The following ANKFN1 variants were observed in gnomAD, a reference collection of about 807,000 sequenced individuals.
ANKFN1 encodes the protein ankyrin repeat and fibronectin type-III domain-containing protein 1.
Under a neutral mutation model 108.7 loss-of-function variants are expected in ANKFN1, and 74 were observed. That is an observed-to-expected ratio of 0.68 (90% CI 0.56 to 0.83). The LOEUF (loss-of-function observed/expected upper bound fraction) is 0.83. ANKFN1 is among the 40% of genes least tolerant of loss of function. The pLI is 0.00. For missense variants in ANKFN1, 1,505 were observed against 1,382.3 expected, an observed-to-expected ratio of 1.09 and a Z score of -1.41; for synonymous variants, 547 against 516.2, an observed-to-expected ratio of 1.06 and a Z score of -0.81.
chr17:56,051,151 T>G (rs1316527877), intron 4 of ANKFN1, among the ~76,000 whole-genome samples: 1 of 64,840 alleles, frequency 1.5e-5, no homozygotes, highest in South Asian at 6.1e-4. Context: ...TTGATGAACA[T>G]TGATGCAAAA....
chr17:56,309,237 A>G (rs2044936729), intron 3 of ANKFN1, among the ~76,000 whole-genome samples: 1 of 152,200 alleles, frequency 6.6e-6, no homozygotes, highest in Non-Finnish European at 1.5e-5. Flanking sequence ...TTAATGGTTA[A>G]AAGACAGTTA....
chr17:56,489,450 TAAAAA>T (rs79704215), intron 18 of ANKFN1, among the ~76,000 whole-genome samples: 1 of 140,180 alleles, frequency 7.1e-6, no homozygotes, highest in African/African-American at 2.6e-5. Context: ...GGTCTGGATT[TAAAAA>T]AAAAAAAAAA....
At chr17:56,500,615 A>G (rs1171160957) in intron 20 of ANKFN1, among the ~76,000 whole-genome samples, 1 of 152,204 alleles carries the variant, frequency 6.6e-6, no homozygotes, top group African/African-American at 2.4e-5. Context: ...AGAATCTGGT[A>G]TGAAGGATAA....
At chr17:56,434,613 A>C (rs941572347) in intron 8 of ANKFN1, among the ~76,000 whole-genome samples, 3 of 152,164 alleles carry the variant, frequency 2.0e-5, no homozygotes, top group Non-Finnish European at 4.4e-5. Flanking sequence ...AGCAGCTCCG[A>C]CCTCATATTT....
chr17:56,350,823 A>G lies in ANKFN1; in HGVS notation c.246A>G (p.Lys82=). 4 of 1,613,852 alleles carry G rather than the reference A, an allele frequency of 2.5e-6. No homozygotes were observed. Among genetic ancestry groups the G allele is most frequent in the Non-Finnish European group, 3.4e-6 (4 of 1,179,852 alleles). ...AAAATTTACATCTCTGTCAGTCAAAAAAACATAGTGCTCCCTCATCTCCCA... is the reference window on the plus strand; with the variant it reads ...AAAATTTACATCTCTGTCAGTCAAAGAAACATAGTGCTCCCTCATCTCCCA... The part of the protein sequence containing the change: ...QMQNLHLCQS[K]KHSAPSSPNA... Residue 82 remains lysine (K), a synonymous_variant, in exon 5 of 21, where the codon AAA becomes AAG. Transcript: ENST00000682825.
Position 56,304,257 on chromosome 17 carries a change from T to C in ANKFN1, c.54-21964T>C, listed in dbSNP as rs564042828. Reference sequence around the variant, plus strand: ...GTTATATAGATGGAATAATATAGTATGTAACGTTTTAATGTTGGCTTTTTT... The same window carrying C: ...GTTATATAGATGGAATAATATAGTACGTAACGTTTTAATGTTGGCTTTTTT... On this transcript the variant is annotated intron_variant, in intron 3 of 20. Transcript: ENST00000682825. Among the ~76,000 whole-genome samples the C allele has an allele frequency of 6.6e-5, 10 of 152,324 alleles. No individual in the cohort carries two copies. In the South Asian group the frequency reaches 1.9e-3, roughly 28 times the overall value.
At chr17:56,247,301 A>C (rs1286421748) in intron 3 of ANKFN1, among the ~76,000 whole-genome samples, 1 of 152,218 alleles carries the variant, frequency 6.6e-6, no homozygotes, top group Admixed American at 6.5e-5. Flanking sequence ...TAGGGATTTA[A>C]ATGTATAGTA....
chr17:56,349,492 G>A (rs1015100545), intron 4 of ANKFN1, among the ~76,000 whole-genome samples: 1 of 151,948 alleles, frequency 6.6e-6, no homozygotes, highest in Non-Finnish European at 1.5e-5. Flanking sequence ...TAGCAGACAT[G>A]GAACCCAGTT....
intron 18 of ANKFN1, 47 bp downstream of exon 18, chr17:56,482,571 A>G: frequency 1.3e-6 from 2 of 1,587,750 alleles, no homozygotes; most frequent in Non-Finnish European, 1.7e-6. Context: ...GCCTCCTTAT[A>G]ATAAAATCAC....
At chr17:56,484,593 T>TC (rs1478947517) in intron 18 of ANKFN1, among the ~76,000 whole-genome samples, 4 of 152,298 alleles carry the variant, frequency 2.6e-5, no homozygotes, top group African/African-American at 9.6e-5. Flanking sequence ...CTGAAGGTGC[T>TC]AAGTCAACAT....
In ANKFN1 at chr17:56,244,892, T is replaced by C. The variant is rs1207235787; in HGVS notation, c.53+16935T>C. On this transcript the variant is annotated intron_variant, in intron 3 of 20. Coordinates refer to ENST00000682825, the MANE Select transcript of ANKFN1 (RefSeq NM_001370326.1). ...ATCACTCAGATGGCCATTTTTTTTG[T>C]TCCATTCAAATTTCAACACATTTCC... is the stretch of plus-strand genomic sequence containing the variant. 1.3e-5 allele frequency among the ~76,000 whole-genome samples: 2 copies of C among 152,258 alleles called. 1 individual carries two copies. The highest frequency in any genetic ancestry group is 4.8e-5 in the African/African-American group (2 of 41,568).
rs182524562 is a variant in ANKFN1, at chr17:56,511,902, C to T, written c.*633C>T. ...AGGCCTTGACAGGCCTTTTTTTCTT[C>T]GTATAGTGCTGTGTGGAGACCACCA... On this transcript the variant is annotated 3_prime_UTR_variant, in exon 21 of 21. Transcript: ENST00000682825. 6.6e-6 allele frequency among the ~76,000 whole-genome samples: 1 copy of T among 152,056 alleles called. No individual in the cohort carries two copies. The highest frequency in any genetic ancestry group is 1.9e-4 in the East Asian group (1 of 5,158).
At chr17:56,269,904 T>G (rs1485827696) in intron 3 of ANKFN1, among the ~76,000 whole-genome samples, 1 of 152,130 alleles carries the variant, frequency 6.6e-6, no homozygotes, top group Admixed American at 6.5e-5. Flanking sequence ...ACCCTTGTGT[T>G]TCATTTTTAA....
Position 56,326,359 on chromosome 17 carries a change from A to G in ANKFN1, c.188+4A>G. 1 of 1,604,240 alleles carries G rather than the reference A, an allele frequency of 6.2e-7. No homozygotes were observed. The highest frequency in any genetic ancestry group is 8.5e-7 in the Non-Finnish European group (1 of 1,177,076). ...CTGCCTCGAACAGCATAAACTGGTAAGTCAAATTTACTGTTGTCTTTCTTC... is the reference window on the plus strand; with the variant it reads ...CTGCCTCGAACAGCATAAACTGGTAGGTCAAATTTACTGTTGTCTTTCTTC... On this transcript the variant is annotated splice_donor_region_variant and intron_variant, in intron 4 of 20. Transcript: ENST00000682825.
At chr17:56,218,019 G>A (rs944298705) in intron 2 of ANKFN1, among the ~76,000 whole-genome samples, 12 of 152,098 alleles carry the variant, frequency 7.9e-5, no homozygotes, top group African/African-American at 2.9e-4. Context: ...TTTCTCACCT[G>A]CATTCTACCT....
intron 1 of ANKFN1, among the ~76,000 whole-genome samples, chr17:56,155,345 A>G (rs535436078): frequency 2.6e-5 from 4 of 152,302 alleles, no homozygotes; most frequent in South Asian, 4.1e-4. Flanking sequence ...CCTTTCTTCC[A>G]TGAGACAAGG....
chr17:56,301,485 T>G (rs2044668919), intron 3 of ANKFN1, among the ~76,000 whole-genome samples: 1 of 152,188 alleles, frequency 6.6e-6, no homozygotes, highest in Non-Finnish European at 1.5e-5. Flanking sequence ...GCATCAGAAC[T>G]CTGTAGTGCA....
At chr17:56,167,261 G>GTATA (rs1431986196) in intron 1 of ANKFN1, among the ~76,000 whole-genome samples, 873 of 74,694 alleles carry the variant, frequency 0.012, 10 homozygotes, top group African/African-American at 0.036. Context: ...GTATGTGTGT[G>GTATA]TATATATATA....
At chr17:56,114,102 C>G (rs1384422075) in intron 4 of ANKFN1, among the ~76,000 whole-genome samples, 3 of 152,198 alleles carry the variant, frequency 2.0e-5, no homozygotes, top group Non-Finnish European at 2.9e-5. Context: ...GTGCCTCCAA[C>G]TGCAAGTCCA....
Sources: gnomAD v4.1 joint callset for allele counts (sites outside exome capture counted in the v4.1 genomes callset) on GRCh38, gnomAD v4.1.1 for gene constraint, MANE v1.5 for transcripts, NCBI Gene and HGNC (gene_info 2026-07-23, HGNC 2026-07-21) for gene names.